The following C2CD3 variants were observed in gnomAD, a reference collection of about 807,000 sequenced individuals.
The protein encoded by C2CD3 is C2 domain containing 3 centriole elongation regulator.
Under a neutral mutation model 234.0 loss-of-function variants are expected in C2CD3, and 148 were observed. The observed-to-expected ratio is 0.63, with a 90% CI of 0.55 to 0.72. The LOEUF is 0.72. Ranked by LOEUF, C2CD3 falls within the 30% of genes least tolerant of loss-of-function variation. The pLI is 0.00. For synonymous variants in C2CD3, 1,000 were observed against 1,035.4 expected, an observed-to-expected ratio of 0.97 and a Z score of 0.66; for missense variants, 2,577 against 2,811.5, an observed-to-expected ratio of 0.92 and a Z score of 1.89.
intron 24 of C2CD3, among the ~76,000 whole-genome samples, chr11:74,059,128 A>G (rs1954093048): frequency 6.6e-6 from 1 of 152,244 alleles, no homozygotes; most frequent in Non-Finnish European, 1.5e-5. Flanking sequence ...TGTCCTAAAC[A>G]TAATCGACAT....
chr11:74,151,437 C>G (rs1855652732), intron 3 of C2CD3, among the ~76,000 whole-genome samples: 1 of 152,060 alleles, frequency 6.6e-6, no homozygotes, highest in Non-Finnish European at 1.5e-5. Context: ...CCTGTCTCAG[C>G]CTTCTCAGCC....
chr11:74,146,926 G>A (rs578198968), intron 3 of C2CD3, among the ~76,000 whole-genome samples: 2 of 152,074 alleles, frequency 1.3e-5, no homozygotes, highest in Admixed American at 6.5e-5. Context: ...GGTGACAGAC[G>A]CCTGTAATCC....
intron 3 of C2CD3, among the ~76,000 whole-genome samples, chr11:74,154,031 G>A (rs1269687454): frequency 6.6e-6 from 1 of 151,822 alleles, no homozygotes; most frequent in African/African-American, 2.4e-5. Context: ...AAAAAATCCT[G>A]ACCTTATTTC....
rs1223374507 is a variant in C2CD3 at position 74,093,808 on chromosome 11, C to T, written c.3344+8G>A. On this transcript the variant is annotated splice_region_variant and intron_variant, in intron 18 of 32. Transcript: ENST00000334126. ...CCTAGGCATAGGACTGGGGTCTCCA[C>T]ACTGTACCTGCACCAGATTTCAAAC... is the stretch of plus-strand genomic sequence containing the variant. The T allele has an allele frequency of 1.2e-6, 2 of 1,612,706 alleles. No homozygotes were observed. Among genetic ancestry groups the T allele is most frequent in the East Asian group, 4.5e-5 (2 of 44,838 alleles).
intron 32 of C2CD3, among the ~76,000 whole-genome samples, chr11:74,024,750 G>C (rs1401665141): frequency 6.6e-6 from 1 of 151,926 alleles, no homozygotes; most frequent in Admixed American, 6.6e-5. Flanking sequence ...TATTTCTTAG[G>C]CCATCCAGTG....
At position 74,122,928 on chromosome 11, in the gene C2CD3, T is replaced by C. The variant is rs982518487; in HGVS notation, c.1365+60A>G. The stretch of plus-strand genomic sequence containing the variant: ...AATGCATAGCTGTCATGCCTGCAGC[T>C]ACTAATATTATTAATACATTTGTTC... On this transcript the variant is annotated intron_variant, in intron 8 of 32. Transcript: ENST00000334126. 36 of 873,984 alleles carry C rather than the reference T, an allele frequency of 4.1e-5. No homozygotes were observed. In the African/African-American group the frequency reaches 1.2e-3, roughly 29 times the overall value. The allele number at this position is 873,984 out of a possible 1,614,324, so 54.1% of individuals were successfully genotyped here. A position where few individuals can be genotyped will look rare whatever the true frequency, so the allele number is the denominator to read the frequency against.
intron 32 of C2CD3, among the ~76,000 whole-genome samples, chr11:74,026,562 A>G (rs1217985748): frequency 6.6e-6 from 1 of 152,192 alleles, no homozygotes; most frequent in Non-Finnish European, 1.5e-5. Context: ...AAGCATATAA[A>G]ATGTATACAT....
At chr11:74,162,795 G>A (rs893047979) in intron 2 of C2CD3, among the ~76,000 whole-genome samples, 3 of 152,128 alleles carry the variant, frequency 2.0e-5, no homozygotes, top group Admixed American at 1.3e-4. Context: ...GACACACAGA[G>A]CAACAAATCT....
chr11:74,052,471 G>C (rs577222227), intron 26 of C2CD3, among the ~76,000 whole-genome samples: 12 of 152,276 alleles, frequency 7.9e-5, no homozygotes, highest in African/African-American at 2.6e-4. Flanking sequence ...GCAGAGCCAA[G>C]ATTTGAACTC....
intron 3 of C2CD3, among the ~76,000 whole-genome samples, chr11:74,155,290 T>C (rs906592993): frequency 1.3e-5 from 2 of 152,214 alleles, no homozygotes; most frequent in East Asian, 3.8e-4. Flanking sequence ...TTGTATGAAT[T>C]GACATTTAAA....
chr11:74,095,469 G>T, intron 16 of C2CD3, 61 bp from the exon 17 acceptor site: 2 of 1,326,066 alleles, frequency 1.5e-6, no homozygotes, highest in Non-Finnish European at 2.1e-6. Context: ...GAATATTTCT[G>T]CTTCTCTATG....
At chr11:74,126,076 C>T (rs1957404501) in intron 7 of C2CD3, among the ~76,000 whole-genome samples, 1 of 152,204 alleles carries the variant, frequency 6.6e-6, no homozygotes, top group African/African-American at 2.4e-5. Flanking sequence ...TAGTGCAAGA[C>T]AGGTAAACTT....
chr11:74,107,954 T>C (rs1790402), intron 12 of C2CD3: 6,007 of 151,876 alleles, frequency 0.04, 397 homozygotes, highest in African/African-American at 0.14. Context: ...ATCGAGACCA[T>C]CCTGGCTAAC....
chr11:74,049,636 GAGGA>G, intron 26 of C2CD3, 94 bp from the exon 27 acceptor site: 1 of 939,842 alleles, frequency 1.1e-6, no homozygotes, highest in Non-Finnish European at 1.6e-6. Flanking sequence ...TCAGGGGATG[GAGGA>G]ATTTAGTGAT....
chr11:74,058,073 T>C (rs1441165663), intron 24 of C2CD3, among the ~76,000 whole-genome samples: 1 of 152,244 alleles, frequency 6.6e-6, no homozygotes, highest in East Asian at 1.9e-4. Context: ...TCTCATGTTC[T>C]GTACTTTGTG....
At chr11:74,061,971 A>G (rs1396037126) in intron 24 of C2CD3, among the ~76,000 whole-genome samples, 2 of 152,170 alleles carry the variant, frequency 1.3e-5, no homozygotes, top group Non-Finnish European at 1.5e-5. Context: ...AGGGGTTGCA[A>G]TCCTAGTCTC....
At chr11:74,147,279 C>T (rs907098696) in intron 3 of C2CD3, among the ~76,000 whole-genome samples, 3 of 151,760 alleles carry the variant, frequency 2.0e-5, no homozygotes, top group African/African-American at 4.8e-5. Flanking sequence ...AGCCAGGTGT[C>T]GTGGTGTGCA....
intron 7 of C2CD3, among the ~76,000 whole-genome samples, chr11:74,130,883 G>T (rs1957650582): frequency 6.6e-6 from 1 of 151,864 alleles, no homozygotes. Context: ...GAAGTCAGCT[G>T]GGATTCTGAT....
intron 3 of C2CD3, among the ~76,000 whole-genome samples, chr11:74,156,677 C>T (rs193180002): frequency 2.6e-5 from 4 of 152,212 alleles, no homozygotes; most frequent in African/African-American, 4.8e-5. Flanking sequence ...AAACATAAAA[C>T]CTTACCCTGT....
Sources: allele counts gnomAD v4.1 joint callset (sites outside exome capture counted in the v4.1 genomes callset), GRCh38; gene constraint gnomAD v4.1.1; transcripts MANE v1.5; gene names NCBI Gene and HGNC (gene_info 2026-07-23, HGNC 2026-07-21).